The following RUNX1 variants were observed in gnomAD, a reference collection of about 807,000 sequenced individuals.
RUNX1 encodes runt-related transcription factor 1.
RUNX1 carries 19 observed loss-of-function variants against 42.8 expected under a neutral mutation model. The ratio of observed to expected loss-of-function variants is 0.44; its 90% CI spans 0.31 to 0.65. The LOEUF is 0.65. Ranked by LOEUF, RUNX1 falls within the 30% of genes least tolerant of loss-of-function variation. RUNX1 has a pLI of 0.07. For synonymous variants in RUNX1, 271 were observed against 289.4 expected, an observed-to-expected ratio of 0.94 and a Z score of 0.64; for missense variants, 528 against 672.0, an observed-to-expected ratio of 0.79 and a Z score of 2.37.
chr21:34,798,225 A>T, intron 8 of RUNX1: 1 of 434,736 alleles, frequency 2.3e-6, no homozygotes, highest in Non-Finnish European at 4.7e-6. Context: ...CCCAACACAC[A>T]TGCGAGTGTG....
At chr21:34,871,246 C>G (rs548783585) in intron 5 of RUNX1, among the ~76,000 whole-genome samples, 1 of 152,178 alleles carries the variant, frequency 6.6e-6, no homozygotes, top group Non-Finnish European at 1.5e-5. Flanking sequence ...TACAGCAACT[C>G]GTGAGCTCTG....
intron 3 of RUNX1, chr21:34,888,302 G>A: frequency 9.4e-7 from 1 of 1,067,528 alleles, no homozygotes; most frequent in Non-Finnish European, 1.1e-6. Context: ...GAAACAGATC[G>A]GGCGGCTCGG....
chr21:34,917,727 G>A (rs2058322245), intron 2 of RUNX1, among the ~76,000 whole-genome samples: 1 of 152,146 alleles, frequency 6.6e-6, no homozygotes, highest in Non-Finnish European at 1.5e-5. Flanking sequence ...TGTGGGGCTT[G>A]GTCAGTATGA....
Position 34,955,255 on chromosome 21 carries a change from A to G in RUNX1, c.59-62292T>C, listed in dbSNP as rs369573463. On this transcript the variant is annotated intron_variant, in intron 2 of 8. Transcript: ENST00000675419. The stretch of plus-strand genomic sequence containing the variant: ...CTATTTTTTTTTTTTAAAGTTATCC[A>G]GGGGACTCTTACACTTACTAAAGTT... 9.6e-4 allele frequency among the ~76,000 whole-genome samples: 146 copies of G among 151,952 alleles called. 1 individual carries two copies. The highest frequency in any genetic ancestry group is 3.4e-3 in the African/African-American group (141 of 41,408).
intron 5 of RUNX1, among the ~76,000 whole-genome samples, chr21:34,877,107 C>T (rs2057825436): frequency 6.6e-6 from 1 of 152,188 alleles, no homozygotes; most frequent in Non-Finnish European, 1.5e-5. Context: ...GATCCACCCA[C>T]CTCGGCCTCC....
intron 2 of RUNX1, among the ~76,000 whole-genome samples, chr21:34,899,124 C>T (rs572691008): frequency 2.9e-4 from 44 of 152,190 alleles, no homozygotes; most frequent in Middle Eastern, 6.8e-3. Flanking sequence ...ATGTTGTCCA[C>T]GCTGGTCTCG....
At chr21:34,875,608 A>ATCTG in intron 5 of RUNX1, among the ~76,000 whole-genome samples, 1 of 152,194 alleles carries the variant, frequency 6.6e-6, no homozygotes, top group Non-Finnish European at 1.5e-5. Flanking sequence ...ATTACCCGTG[A>ATCTG]AACAACTCTG....
chr21:35,042,526 G>A (rs2059366604), intron 2 of RUNX1, among the ~76,000 whole-genome samples: 1 of 152,194 alleles, frequency 6.6e-6, no homozygotes, highest in Non-Finnish European at 1.5e-5. Context: ...GTTCCCTCCA[G>A]CCAGAGGCCT....
chr21:34,806,023 C>T (rs1439158782), intron 7 of RUNX1, among the ~76,000 whole-genome samples: 1 of 152,058 alleles, frequency 6.6e-6, no homozygotes, highest in Non-Finnish European at 1.5e-5. Flanking sequence ...AAAATGGAAT[C>T]ATATAAAATG....
At chr21:34,977,862 T>C (rs758549255) in intron 2 of RUNX1, among the ~76,000 whole-genome samples, 3 of 152,246 alleles carry the variant, frequency 2.0e-5, no homozygotes, top group Non-Finnish European at 2.9e-5. Flanking sequence ...ATCTACTTCA[T>C]AGTTTTCATC....
rs545153853 is a variant in RUNX1 at position 34,792,980 on chromosome 21, T to G, written c.968-370A>C. Reference sequence around the variant, plus strand: ...GGAGACCACCCAGGATGACACCACCTGGGAGGATGGAGACCACCCAGGATG... The same window carrying G: ...GGAGACCACCCAGGATGACACCACCGGGGAGGATGGAGACCACCCAGGATG... On this transcript the variant is annotated intron_variant, in intron 8 of 8. Coordinates refer to ENST00000675419, the MANE Select transcript of RUNX1 (RefSeq NM_001754.5). This position sits in a 1 kb window ranked among gnomAD's most constrained non-coding sequence, Gnocchi z 6.9. Among the ~76,000 whole-genome samples, 10 of 145,050 alleles carry G rather than the reference T, an allele frequency of 6.9e-5. No homozygotes were observed. In the East Asian group the frequency reaches 2.1e-3, roughly 30 times the overall value.
chr21:35,013,136 C>T (rs1263694297), intron 2 of RUNX1, among the ~76,000 whole-genome samples: 3 of 152,212 alleles, frequency 2.0e-5, no homozygotes, highest in South Asian at 2.1e-4. Flanking sequence ...AATATGAATA[C>T]ACACATCTAC....
chr21:34,993,396 C>T (rs1249398044), intron 2 of RUNX1, among the ~76,000 whole-genome samples: 2 of 151,984 alleles, frequency 1.3e-5, no homozygotes, highest in African/African-American at 4.8e-5. Context: ...AGAGGGGCTC[C>T]TAGGAACCTC....
chr21:34,876,574 T>C (rs1346548728), intron 5 of RUNX1, among the ~76,000 whole-genome samples: 1 of 152,168 alleles, frequency 6.6e-6, no homozygotes, highest in East Asian at 1.9e-4. Context: ...TGCATTTTTT[T>C]TTTGTCCTTG....
chr21:34,860,260 T>C (rs953902205), intron 5 of RUNX1, among the ~76,000 whole-genome samples: 4 of 152,206 alleles, frequency 2.6e-5, no homozygotes, highest in Non-Finnish European at 4.4e-5. Context: ...ATTTTACATA[T>C]ATTTATAAAA....
chr21:34,874,552 G>A (rs2057785852), intron 5 of RUNX1, among the ~76,000 whole-genome samples: 1 of 134,710 alleles, frequency 7.4e-6, no homozygotes, highest in Non-Finnish European at 1.5e-5. Context: ...GGAGGTTGCA[G>A]TGAGCTGAGA....
At chr21:35,029,807 T>C (rs2059260882) in intron 2 of RUNX1, among the ~76,000 whole-genome samples, 2 of 152,182 alleles carry the variant, frequency 1.3e-5, no homozygotes, top group Admixed American at 6.5e-5. Flanking sequence ...CAACTCTGCT[T>C]CTAGGACTCT....
intron 2 of RUNX1, among the ~76,000 whole-genome samples, chr21:34,964,085 A>C (rs2058700817): frequency 6.6e-6 from 1 of 152,216 alleles, no homozygotes; most frequent in Admixed American, 6.5e-5. Flanking sequence ...GGTCTAGCCC[A>C]GTTGGGGGAT....
chr21:34,826,659 G>A lies in RUNX1; in HGVS notation c.805+7751C>T, dbSNP rs1231667868. 2.6e-5 allele frequency among the ~76,000 whole-genome samples: 4 copies of A among 151,686 alleles called. No homozygotes were observed. In the East Asian group the frequency reaches 7.8e-4, roughly 29 times the overall value. The stretch of plus-strand genomic sequence containing the variant: ...GGGGTTTCACCATGTTGGCCAGCCT[G>A]CTCTCGAACTCCCGACCTCAAGTGA... On this transcript the variant is annotated intron_variant, in intron 7 of 8. Coordinates refer to ENST00000675419, the MANE Select transcript of RUNX1 (RefSeq NM_001754.5).
Sources: allele counts gnomAD v4.1 joint callset (sites outside exome capture counted in the v4.1 genomes callset), GRCh38; gene constraint gnomAD v4.1.1; non-coding constraint Gnocchi (gnomAD v3.1); transcripts MANE v1.5; gene names NCBI Gene and HGNC (gene_info 2026-07-23, HGNC 2026-07-21).